The following GOLGA4 variants were observed in gnomAD, a reference collection of about 807,000 sequenced individuals.
GOLGA4 encodes golgin A4.
A neutral mutation model predicts 265.9 loss-of-function variants in GOLGA4; 169 were observed. That is an observed-to-expected ratio of 0.64 (90% confidence interval 0.56 to 0.72). The LOEUF (loss-of-function observed/expected upper bound fraction) is 0.72, where lower values mean the gene tolerates loss of function less well. GOLGA4 is among the 30% of genes least tolerant of loss of function. The pLI is 0.00. For synonymous variants in GOLGA4, 923 were observed against 855.8 expected, an observed-to-expected ratio of 1.08 and a Z score of -1.37; for missense variants, 2,482 against 2,483.4, an observed-to-expected ratio of 1.00 and a Z score of 0.01.
chr3:37,275,862 G>A, intron 2 of GOLGA4: 9 of 1,613,774 alleles, frequency 5.6e-6, no homozygotes, highest in Non-Finnish European at 7.6e-6. Flanking sequence ...CGCAAGCAGA[G>A]TACAGATGAG....
intron 2 of GOLGA4, among the ~76,000 whole-genome samples, chr3:37,270,599 C>T (rs1559365508): frequency 6.6e-6 from 1 of 152,140 alleles, no homozygotes; most frequent in Non-Finnish European, 1.5e-5. Flanking sequence ...TGTTCTTCCT[C>T]TTAAGCTAAA....
In GOLGA4 at chr3:37,257,966, T is replaced by C. The variant is rs560153801; in HGVS notation, c.162+6482T>C. On this transcript the variant is annotated intron_variant, in intron 2 of 23. Transcript: ENST00000361924. ...ATATATATGTATGTATATATGTATA[T>C]ATACATACATATATATATGTATGTA... is the stretch of plus-strand genomic sequence containing the variant. 1.5e-4 allele frequency among the ~76,000 whole-genome samples: 16 copies of C among 104,110 alleles called. 1 individual carries two copies. The highest frequency in any genetic ancestry group is 2.8e-4 in the African/African-American group (6 of 21,658). The allele number at this position is 104,110 out of a possible 152,430, so 68.3% of individuals were successfully genotyped here. A position where few individuals can be genotyped will look rare whatever the true frequency, so the allele number is the denominator to read the frequency against.
intron 16 of GOLGA4, among the ~76,000 whole-genome samples, chr3:37,329,892 A>G (rs1000615013): frequency 2.6e-5 from 4 of 152,168 alleles, no homozygotes; most frequent in African/African-American, 9.7e-5. Flanking sequence ...TTGGTGATTA[A>G]GAATTCATAA....
intron 19 of GOLGA4, among the ~76,000 whole-genome samples, chr3:37,338,621 A>G (rs2097022242): frequency 6.6e-6 from 1 of 152,194 alleles, no homozygotes; most frequent in Non-Finnish European, 1.5e-5. Flanking sequence ...ATCATTTTAG[A>G]GTACACAGTT....
At position 37,324,695 on chromosome 3, in the gene GOLGA4, A is replaced by G. The variant is rs1341806536; in HGVS notation, c.2809A>G (p.Ser937Gly). Residue 937 changes from serine (S) to glycine (G), a missense_variant, in exon 14 of 24, where the codon AGT becomes GGT. Ser to Gly is a moderately conservative substitution (Grantham distance 56). Around this residue, in one of 3 missense-constraint regions of GOLGA4, gnomAD observed 1,536 missense variants for 1,483.7 expected, o/e 1.04. Transcript: ENST00000361924. The part of the protein sequence containing the change: ...LTQKLSAKED[S>G]IHILNEEYET... The stretch of plus-strand genomic sequence containing the variant: ...ACAGAAATTGTCAGCCAAGGAGGAC[A>G]GTATTCATATTTTGAATGAGGAATA... 1.9e-6 allele frequency: 3 copies of G among 1,606,678 alleles called. No individual in the cohort carries two copies. Among genetic ancestry groups the G allele is most frequent in the Non-Finnish European group, 2.5e-6 (3 of 1,177,864 alleles).
chr3:37,302,657 G>T, intron 10 of GOLGA4: 1 of 209,324 alleles, frequency 4.8e-6, no homozygotes, highest in Non-Finnish European at 9.5e-6. Context: ...GCCCCTTACA[G>T]AAAATGTGTG....
chr3:37,265,727 C>CA (rs1371544521), intron 2 of GOLGA4, among the ~76,000 whole-genome samples: 2 of 152,146 alleles, frequency 1.3e-5, no homozygotes, highest in African/African-American at 4.8e-5. Context: ...TAAGAAGTAA[C>CA]ATAAGATCTA....
intron 2 of GOLGA4, among the ~76,000 whole-genome samples, chr3:37,271,646 C>G (rs1345443403): frequency 6.6e-6 from 1 of 152,038 alleles, no homozygotes; most frequent in Non-Finnish European, 1.5e-5. Flanking sequence ...GTGCAGCTCC[C>G]CCTGGCTTCC....
intron 23 of GOLGA4, among the ~76,000 whole-genome samples, chr3:37,361,854 G>T (rs1202615428): frequency 6.6e-6 from 1 of 152,196 alleles, no homozygotes; most frequent in East Asian, 1.9e-4. Flanking sequence ...AGACCGTTAG[G>T]CAGCCTACTT....
intron 2 of GOLGA4, among the ~76,000 whole-genome samples, chr3:37,257,960 T>TAC (rs2096755451): frequency 9.2e-6 from 1 of 108,348 alleles, no homozygotes; most frequent in South Asian, 2.5e-4. Context: ...TATGTATATA[T>TAC]GTATATATAC....
At chr3:37,312,000 A>G (rs2096924346) in intron 10 of GOLGA4, among the ~76,000 whole-genome samples, 1 of 152,360 alleles carries the variant, frequency 6.6e-6, no homozygotes, top group Non-Finnish European at 1.5e-5. Flanking sequence ...AAAATTCACT[A>G]GTATTGACTA....
rs13327269 is a variant in GOLGA4 at position 37,321,699 on chromosome 3, G to A, written c.1546-32G>A. 4,352 of 1,578,556 alleles carry A rather than the reference G, an allele frequency of 2.8e-3. 97 individuals carry two copies. The African/African-American group carries it at 0.052, about 19-fold the overall frequency. On this transcript the variant is annotated intron_variant, in intron 12 of 23. Transcript: ENST00000361924. ...TTGCGAATGCTGAAGATTTATGTGC[G>A]TTTAAGGTGGTATTAATTATTTTTG... is the stretch of plus-strand genomic sequence containing the variant.
At position 37,315,466 on chromosome 3, in the gene GOLGA4, G is replaced by A. The variant is rs2096935078; in HGVS notation, c.1281G>A (p.Glu427=). ...EKALSTAQKT[E]EARRKLKAEM... is the part of the protein sequence containing the mutation. ...CTTTGAGTACAGCCCAAAAAACAGA[G>A]GAAGCACGGAGAAAACTGAAGGCAG... The change falls in exon 11 of 24, where the codon GAG becomes GAA. Residue 427 remains glutamate (E), a synonymous_variant. Coordinates refer to ENST00000361924, the MANE Select transcript of GOLGA4 (RefSeq NM_002078.5). 6.2e-7 allele frequency: 1 copy of A among 1,613,944 alleles called. No homozygotes were observed. The highest frequency in any genetic ancestry group is 8.5e-7 in the Non-Finnish European group (1 of 1,179,920).
intron 2 of GOLGA4, among the ~76,000 whole-genome samples, 179 bp downstream of exon 2, chr3:37,251,663 ATGTC>A (rs962620398): frequency 5.5e-4 from 75 of 136,682 alleles, no homozygotes; most frequent in Middle Eastern, 4.5e-3. Context: ...GTTATGATTT[ATGTC>A]TGTCTGTCTG....
intron 2 of GOLGA4, among the ~76,000 whole-genome samples, chr3:37,273,091 G>T (rs1294286023): frequency 6.6e-6 from 1 of 152,112 alleles, no homozygotes; most frequent in East Asian, 1.9e-4. Context: ...ACCGTTTCTT[G>T]CTATCAAGAT....
chr3:37,300,888 A>G (rs531447710), intron 9 of GOLGA4, among the ~76,000 whole-genome samples: 4 of 152,130 alleles, frequency 2.6e-5, no homozygotes, highest in South Asian at 2.1e-4. Context: ...TTTCATTGCA[A>G]TTGGTTGATA....
At chr3:37,260,363 T>G (rs1367619878) in intron 2 of GOLGA4, among the ~76,000 whole-genome samples, 1 of 150,714 alleles carries the variant, frequency 6.6e-6, no homozygotes, top group Non-Finnish European at 1.5e-5. Context: ...GGCTCATGCC[T>G]GTAATCCCAG....
intron 2 of GOLGA4, among the ~76,000 whole-genome samples, chr3:37,252,244 T>C (rs1281429620): frequency 6.6e-6 from 1 of 152,008 alleles, no homozygotes; most frequent in Non-Finnish European, 1.5e-5. Context: ...AAAGGAACAC[T>C]GTTAGCACTG....
chr3:37,341,783 A>G (rs959771056), intron 20 of GOLGA4: 1 of 152,196 alleles, frequency 6.6e-6, no homozygotes, highest in Non-Finnish European at 1.5e-5. Flanking sequence ...AATAGTGTCA[A>G]TTCCTTTTGT....
Sources: allele counts gnomAD v4.1 joint callset (sites outside exome capture counted in the v4.1 genomes callset), GRCh38; gene constraint gnomAD v4.1.1; regional missense constraint gnomAD v4.1.1; transcripts MANE v1.5; gene names NCBI Gene and HGNC (gene_info 2026-07-23, HGNC 2026-07-21).